The following ARID4B variants were observed in gnomAD, a reference collection of about 807,000 sequenced individuals.
ARID4B encodes AT-rich interaction domain 4B.
Under a neutral mutation model 147.5 loss-of-function variants are expected in ARID4B, and 26 were observed. That is an observed-to-expected ratio of 0.18 (90% confidence interval 0.13 to 0.24). ARID4B has a LOEUF of 0.24. Among genes scored for constraint, ARID4B ranks in the 10% least tolerant of loss-of-function variants. ARID4B has a pLI of 1.00. For missense variants in ARID4B, 1,179 were observed against 1,511.5 expected, an observed-to-expected ratio of 0.78 and a Z score of 3.65; for synonymous variants, 512 against 507.9, an observed-to-expected ratio of 1.01 and a Z score of -0.11.
rs1025006025 is a variant in ARID4B at position 235,289,591 on chromosome 1, GC to G, written c.7-28840del. On this transcript the variant is annotated intron_variant, in intron 2 of 23. Transcript: ENST00000264183. ...AATTTAAAAATTAGCCAGCATGGTA[GC>G]ATGTGCCTGTAGCCCCAGGTACTCA... Among the ~76,000 whole-genome samples, 193 of 152,044 alleles carry G rather than the reference GC, an allele frequency of 1.3e-3. 1 individual carries two copies. Among genetic ancestry groups the G allele is most frequent in the African/African-American group, 4.6e-3 (189 of 41,470 alleles).
intron 11 of ARID4B, 58 bp from the exon 12 acceptor site, chr1:235,224,833 G>T: frequency 1.6e-6 from 2 of 1,228,630 alleles, no homozygotes; most frequent in Non-Finnish European, 2.3e-6. Flanking sequence ...AATAAAACAA[G>T]CAGATTTCTT....
Position 235,243,090 on chromosome 1 carries a change from T to A in ARID4B, c.447-2639A>T, listed in dbSNP as rs1461422681. Among the ~76,000 whole-genome samples, 5 of 152,200 alleles carry A rather than the reference T, an allele frequency of 3.3e-5. No individual in the cohort carries two copies. The East Asian group carries it at 9.6e-4, about 29-fold the overall frequency. On this transcript the variant is annotated intron_variant, in intron 7 of 23. Coordinates refer to ENST00000264183, the MANE Select transcript of ARID4B (RefSeq NM_016374.6). Reference sequence around the variant, plus strand: ...CAAGTTGAAGATTTTTTAAGTAATTTTTTTTTGTTTATTGATATATCTCAA... The same window carrying A: ...CAAGTTGAAGATTTTTTAAGTAATTATTTTTTGTTTATTGATATATCTCAA...
At chr1:235,209,167 T>C (rs1666525915) in intron 17 of ARID4B, among the ~76,000 whole-genome samples, 1 of 152,192 alleles carries the variant, frequency 6.6e-6, no homozygotes, top group Non-Finnish European at 1.5e-5. Flanking sequence ...GGGACATACA[T>C]GAAAATTATA....
intron 2 of ARID4B, among the ~76,000 whole-genome samples, chr1:235,273,299 C>A (rs1055118107): frequency 9.2e-5 from 14 of 152,170 alleles, no homozygotes; most frequent in Non-Finnish European, 1.9e-4. Context: ...CAGCCTTGGC[C>A]TCCCAAAGTG....
intron 17 of ARID4B, among the ~76,000 whole-genome samples, chr1:235,204,814 G>T (rs1181041637): frequency 6.6e-6 from 1 of 152,132 alleles, no homozygotes; most frequent in Non-Finnish European, 1.5e-5. Context: ...GCCAATCTAC[G>T]AAACTACTGA....
chr1:235,327,155 C>A (rs1055295515), intron 1 of ARID4B, 187 bp from the exon 2 acceptor site: 1 of 546,864 alleles, frequency 1.8e-6, no homozygotes. Context: ...AACCCAACCA[C>A]CTACACAGCT....
chr1:235,213,603 G>GT (rs1018242738), intron 17 of ARID4B, among the ~76,000 whole-genome samples, 166 bp downstream of exon 17: 1 of 152,128 alleles, frequency 6.6e-6, no homozygotes, highest in African/African-American at 2.4e-5. Context: ...AACATTAATT[G>GT]TAAGTCACTA....
intron 18 of ARID4B, among the ~76,000 whole-genome samples, chr1:235,195,824 A>C (rs1188660625): frequency 6.6e-6 from 1 of 152,160 alleles, no homozygotes; most frequent in Non-Finnish European, 1.5e-5. Flanking sequence ...GCTTTATATA[A>C]TGTTGGGACT....
chr1:235,265,664 A>G (rs1434371626), intron 2 of ARID4B, among the ~76,000 whole-genome samples: 2 of 151,550 alleles, frequency 1.3e-5, no homozygotes, highest in Admixed American at 6.6e-5. Context: ...GCGCCACCGC[A>G]CTCTAACCTG....
chr1:235,178,327 T>A (rs1664032378), intron 20 of ARID4B, among the ~76,000 whole-genome samples: 1 of 152,178 alleles, frequency 6.6e-6, no homozygotes, highest in Non-Finnish European at 1.5e-5. Context: ...TGTCTTATAA[T>A]CATATTAATA....
intron 12 of ARID4B, among the ~76,000 whole-genome samples, 155 bp from the exon 13 acceptor site, chr1:235,223,415 A>G (rs1304459434): frequency 8.8e-6 from 1 of 113,610 alleles, no homozygotes. Context: ...ATATATACAT[A>G]TATATGTATA....
intron 2 of ARID4B, among the ~76,000 whole-genome samples, chr1:235,280,225 A>T (rs867581629): frequency 1.4e-5 from 2 of 138,364 alleles, no homozygotes; most frequent in Non-Finnish European, 3.3e-5. Context: ...ATAAAATAAA[A>T]CATTTTAATA....
intron 9 of ARID4B, among the ~76,000 whole-genome samples, chr1:235,233,838 T>C (rs190698194): frequency 1.3e-5 from 2 of 152,170 alleles, no homozygotes; most frequent in African/African-American, 2.4e-5. Flanking sequence ...TCCCAGCACT[T>C]TGGGGTTCGA....
intron 2 of ARID4B, among the ~76,000 whole-genome samples, chr1:235,283,224 A>C (rs949997147): frequency 3.3e-5 from 5 of 152,226 alleles, no homozygotes; most frequent in Non-Finnish European, 5.9e-5. Flanking sequence ...GCTTTAAGTG[A>C]TTTTAAGGAC....
At chr1:235,252,890 G>C in intron 5 of ARID4B, 81 bp from the exon 6 acceptor site, 1 of 1,109,688 alleles carries the variant, frequency 9.0e-7, no homozygotes, top group Non-Finnish European at 1.3e-6. Flanking sequence ...AATTTTCTGA[G>C]TGCAAACAGA....
chr1:235,268,432 T>C (rs1406856408), intron 2 of ARID4B, among the ~76,000 whole-genome samples: 2 of 152,270 alleles, frequency 1.3e-5, no homozygotes, highest in East Asian at 3.9e-4. Context: ...TGTGTCCCTA[T>C]ATTTTCCTAG....
intron 2 of ARID4B, among the ~76,000 whole-genome samples, chr1:235,290,366 C>T (rs557280654): frequency 6.6e-6 from 1 of 150,620 alleles, no homozygotes; most frequent in African/African-American, 2.4e-5. Context: ...CTGCTTGAAC[C>T]AGGGAGGCAG....
At chr1:235,322,589 T>TCTGTCCTCTC (rs1674917036) in intron 2 of ARID4B, among the ~76,000 whole-genome samples, 2 of 152,196 alleles carry the variant, frequency 1.3e-5, no homozygotes, top group South Asian at 4.1e-4. Flanking sequence ...GCTGTCCTCT[T>TCTGTCCTCTC]CTGTCCTCTC....
In ARID4B at chr1:235,213,954, T is replaced by C. The variant is rs763641760; in HGVS notation, c.1656A>G (p.Glu552=). The change falls in exon 17 of 24, where the codon GAA becomes GAG. Residue 552 remains glutamate, a synonymous_variant. Transcript: ENST00000264183. The part of the protein sequence containing the change: ...AEEEEEEEEE[E]EDEDDDDNNE... ...TGTTGTCATCATCATCTTCATCCTC[T>C]TCTTCTTCTTCCTCCTCCTCCTCCT... 2 of 1,588,036 alleles carry C rather than the reference T, an allele frequency of 1.3e-6. No homozygotes were observed. The highest frequency in any genetic ancestry group is 2.7e-5 in the African/African-American group (2 of 73,468).
Sources: gnomAD v4.1 joint callset for allele counts (sites outside exome capture counted in the v4.1 genomes callset) on GRCh38, gnomAD v4.1.1 for gene constraint, MANE v1.5 for transcripts, NCBI Gene and HGNC (gene_info 2026-07-23, HGNC 2026-07-21) for gene names.